Variants in CPAMD8 observed in about 807,000 individuals in gnomAD.
The protein encoded by CPAMD8 is C3 and PZP like alpha-2-macroglobulin domain containing 8.
In CPAMD8, 146 loss-of-function variants were observed where a neutral mutation model predicts 224.7. The ratio of observed to expected loss-of-function variants is 0.65; its 90% CI spans 0.57 to 0.75. CPAMD8 has a LOEUF of 0.75. Ranked by LOEUF, CPAMD8 falls within the 30% of genes least tolerant of loss-of-function variation. CPAMD8 has a pLI of 0.00. For synonymous variants in CPAMD8, 966 were observed against 1,044.6 expected (o/e 0.92, Z 1.45); for missense variants, 2,301 against 2,537.5 (o/e 0.91, Z 2.00).
At chr19:17,009,418 C>T (rs146915036) in intron 5 of CPAMD8, 98 bp from the exon 6 acceptor site, 727 of 1,598,370 alleles carry the variant, frequency 4.5e-4, no homozygotes, top group Non-Finnish European at 5.7e-4. Context: ...GACAGGCAGT[C>T]GCTGTTATGG....
At position 16,915,290 on chromosome 19, in the gene CPAMD8, G is replaced by C. The variant is rs1030464067; in HGVS notation, c.3630-477C>G. Among the ~76,000 whole-genome samples, 4 of 152,138 alleles carry C rather than the reference G, an allele frequency of 2.6e-5. No individual in the cohort carries two copies. In the East Asian group the frequency reaches 7.7e-4, roughly 29 times the overall value. ...CATGGGCATTCCAGTTTCTGAGCCT[G>C]GGAATGGCTTTGGAATGGGCATGTG... On this transcript the variant is annotated intron_variant, in intron 27 of 41. Coordinates refer to ENST00000443236, the MANE Select transcript of CPAMD8 (RefSeq NM_015692.5).
chr19:16,942,440 C>A (rs146004906), intron 22 of CPAMD8, among the ~76,000 whole-genome samples: 6 of 152,008 alleles, frequency 3.9e-5, no homozygotes, highest in Non-Finnish European at 8.8e-5. Context: ...CCAGCCTGGG[C>A]GACAGAGTGA....
chr19:16,904,176 A>AGGGCG, intron 32 of CPAMD8, 50 bp downstream of exon 32: 7 of 937,326 alleles, frequency 7.5e-6, no homozygotes, highest in African/African-American at 1.6e-5. Flanking sequence ...GACTGCAGGG[A>AGGGCG]CCCCACCCAC....
At chr19:16,922,860 T>C (rs1329345597) in intron 26 of CPAMD8, among the ~76,000 whole-genome samples, 2 of 152,210 alleles carry the variant, frequency 1.3e-5, no homozygotes, top group Non-Finnish European at 2.9e-5. Flanking sequence ...CTGAGGTCCT[T>C]GAAACTGCCC....
chr19:16,940,408 C>T (rs2053848855), intron 22 of CPAMD8, among the ~76,000 whole-genome samples: 1 of 152,164 alleles, frequency 6.6e-6, no homozygotes, highest in Non-Finnish European at 1.5e-5. Context: ...TTCCTGCTGA[C>T]TGGCTTAGGG....
chr19:16,944,124 G>A (rs780727379), intron 22 of CPAMD8, among the ~76,000 whole-genome samples: 14 of 152,146 alleles, frequency 9.2e-5, no homozygotes, highest in Admixed American at 3.9e-4. Context: ...ATTCCCCACC[G>A]GCCCATGCAT....
At chr19:16,960,134 G>T (rs1471667156) in intron 18 of CPAMD8, among the ~76,000 whole-genome samples, 1 of 151,588 alleles carries the variant, frequency 6.6e-6, no homozygotes, top group Non-Finnish European at 1.5e-5. Context: ...TTCCTAAGGA[G>T]TGCCTTCATG....
At chr19:17,009,410 C>G in intron 5 of CPAMD8, 90 bp from the exon 6 acceptor site, 1 of 1,605,052 alleles carries the variant, frequency 6.2e-7, no homozygotes, top group Non-Finnish European at 8.5e-7. Context: ...GTCCCCGGGA[C>G]AGGCAGTCGC....
chr19:16,979,333 G>A (rs55784516), intron 14 of CPAMD8, among the ~76,000 whole-genome samples: 68,677 of 141,396 alleles, frequency 0.49, 18,527 homozygotes, highest in African/African-American at 0.77. Flanking sequence ...TATTCATCCA[G>A]CCATCCATCT....
Position 16,896,645 on chromosome 19 carries a change from C to T in CPAMD8, c.5086G>A (p.Gly1696Ser), listed in dbSNP as rs1466820217. ...RGPGWFPGES[G>S]PAVAPEEGAA... is the part of the protein sequence containing the mutation. The stretch of plus-strand genomic sequence containing the variant: ...CCCTCCTCAGGGGCCACGGCAGGGC[C>T]CGACTCGCCGGGGAACCAGCCTGGG... Residue 1696 changes from glycine (G) to serine (S), a missense_variant, in exon 40 of 42, where the codon GGC (glycine) becomes AGC (serine). By Grantham distance (56) the Gly-to-Ser change is moderately conservative. Around this residue, in one of 4 missense-constraint regions of CPAMD8, gnomAD observed 1,709 missense variants for 1,753.2 expected, o/e 0.97. Transcript: ENST00000443236. 8 of 1,476,746 alleles carry T rather than the reference C, an allele frequency of 5.4e-6. No homozygotes were observed. Among genetic ancestry groups the T allele is most frequent in the Non-Finnish European group, 7.2e-6 (8 of 1,116,980 alleles). 91.5% of individuals were successfully genotyped at this position (1,476,746 alleles called of 1,614,324 possible).
At chr19:16,906,874 AT>A in intron 30 of CPAMD8, 77 bp downstream of exon 30, 8 of 1,358,388 alleles carry the variant, frequency 5.9e-6, no homozygotes, top group Non-Finnish European at 7.1e-6. Flanking sequence ...TGTGATAAAT[AT>A]GTTCATGAGT....
At chr19:17,008,670 C>T (rs374967022) in intron 6 of CPAMD8, 111 bp from the exon 7 acceptor site, 23 of 1,196,968 alleles carry the variant, frequency 1.9e-5, no homozygotes, top group East Asian at 1.9e-4. Context: ...AACCATGCAG[C>T]GAAGGTCCCA....
intron 3 of CPAMD8, among the ~76,000 whole-genome samples, chr19:17,012,636 C>G (rs976304582): frequency 3.9e-5 from 6 of 152,214 alleles, no homozygotes; most frequent in Non-Finnish European, 7.3e-5. Flanking sequence ...CTGTGCCAAG[C>G]CTGCCCCAGC....
chr19:16,971,131 A>G (rs1324117127), intron 17 of CPAMD8, 98 bp from the exon 18 acceptor site: 13 of 1,103,204 alleles, frequency 1.2e-5, no homozygotes, highest in Non-Finnish European at 1.5e-5. Flanking sequence ...CACTGTCCCA[A>G]TATCAGCTTG....
At chr19:16,977,320 C>A (rs905116097) in intron 15 of CPAMD8, 48 bp downstream of exon 15, 5 of 1,358,394 alleles carry the variant, frequency 3.7e-6, no homozygotes, top group Non-Finnish European at 5.2e-6. Context: ...CTTGGAGAAG[C>A]CCCGATGGCC....
At chr19:16,959,812 T>C (rs2054592589) in intron 18 of CPAMD8, among the ~76,000 whole-genome samples, 1 of 151,788 alleles carries the variant, frequency 6.6e-6, no homozygotes, top group Non-Finnish European at 1.5e-5. Flanking sequence ...GTGGTGGTAT[T>C]ACAGGCATAA....
intron 18 of CPAMD8, among the ~76,000 whole-genome samples, chr19:16,962,634 G>A (rs2054695072): frequency 6.6e-6 from 1 of 152,148 alleles, no homozygotes. Context: ...TATTATCCAG[G>A]AGAACTTCCC....
At chr19:16,912,508 G>A (rs374383390) in intron 29 of CPAMD8, among the ~76,000 whole-genome samples, 3 of 152,342 alleles carry the variant, frequency 2.0e-5, no homozygotes, top group African/African-American at 7.2e-5. Context: ...CAGTACTTTG[G>A]GAGGCCAAGG....
In CPAMD8 at chr19:16,896,821, G is replaced by A. The variant is rs550413446; in HGVS notation, c.5066-156C>T. 1.8e-5 allele frequency: 8 copies of A among 441,290 alleles called. No individual in the cohort carries two copies. In the South Asian group the frequency reaches 4.2e-4, roughly 23 times the overall value. The allele number at this position is 441,290 out of a possible 1,614,324, so 27.3% of individuals were successfully genotyped here. On this transcript the variant is annotated intron_variant, in intron 39 of 41. Coordinates refer to ENST00000443236, the MANE Select transcript of CPAMD8 (RefSeq NM_015692.5). ...AGTTAATGGGAGGTCCTGAGCCCTG[G>A]CCTTATGGAATTTCACGCAGGTATT... is the stretch of plus-strand genomic sequence containing the variant.
Sources: gnomAD v4.1 joint callset for allele counts (sites outside exome capture counted in the v4.1 genomes callset) on GRCh38, gnomAD v4.1.1 for gene constraint, gnomAD v4.1.1 regional missense constraint, MANE v1.5 for transcripts, NCBI Gene and HGNC (gene_info 2026-07-23, HGNC 2026-07-21) for gene names.